NARS2: variants seen among roughly 807,000 people sequenced by gnomAD.
NARS2 encodes the protein asparaginyl-tRNA synthetase.
Under a neutral mutation model 62.9 loss-of-function variants are expected in NARS2, and 60 were observed. The observed-to-expected ratio is 0.95, with a 90% confidence interval of 0.77 to 1.18. The LOEUF is 1.18. Among genes scored for constraint, NARS2 ranks in the 50% most tolerant of loss-of-function variants. The pLI is 0.00. For missense variants in NARS2, 619 were observed against 576.4 expected, an observed-to-expected ratio of 1.07 and a Z score of -0.76; for synonymous variants, 196 against 200.0, an observed-to-expected ratio of 0.98 and a Z score of 0.17.
chr11:78,505,269 TACACACAC>T (rs10533814), intron 6 of NARS2, among the ~76,000 whole-genome samples: 8,944 of 133,236 alleles, frequency 0.067, 376 homozygotes, highest in African/African-American at 0.12. Flanking sequence ...GAAAACAAAA[TACACACAC>T]ACACACACAC....
chr11:78,566,029 C>A, intron 4 of NARS2, 103 bp downstream of exon 4: 1 of 962,096 alleles, frequency 1.0e-6, no homozygotes, highest in Non-Finnish European at 1.5e-6. Flanking sequence ...AAAACTAACC[C>A]ATAACTAACA....
At chr11:78,549,474 T>C (rs151220241) in intron 5 of NARS2, among the ~76,000 whole-genome samples, 1,651 of 152,160 alleles carry the variant, frequency 0.011, 14 homozygotes, top group Middle Eastern at 0.044. Flanking sequence ...TCCAGAATAG[T>C]GGTGGTTGTG....
At chr11:78,519,019 C>T (rs1223519759) in intron 6 of NARS2, among the ~76,000 whole-genome samples, 3 of 152,100 alleles carry the variant, frequency 2.0e-5, no homozygotes, top group Non-Finnish European at 2.9e-5. Context: ...AGACACGAAT[C>T]ATAATCAAAA....
intron 11 of NARS2, among the ~76,000 whole-genome samples, chr11:78,456,799 T>C (rs956103728): frequency 1.3e-5 from 2 of 152,244 alleles, no homozygotes; most frequent in Non-Finnish European, 2.9e-5. Flanking sequence ...CAGCTGAACA[T>C]CTGCCACCTG....
intron 6 of NARS2, among the ~76,000 whole-genome samples, chr11:78,499,445 T>C (rs184143873): frequency 1.1e-4 from 17 of 152,206 alleles, no homozygotes; most frequent in Admixed American, 9.2e-4. Flanking sequence ...AAATGAATAT[T>C]TGAAACAGCA....
Position 78,467,425 on chromosome 11 carries a change from T to G in NARS2, c.1027-1412A>C, listed in dbSNP as rs149626388. Among the ~76,000 whole-genome samples, 3 of 151,966 alleles carry G rather than the reference T, an allele frequency of 2.0e-5. No homozygotes were observed. The East Asian group carries it at 5.8e-4, about 29-fold the overall frequency. The stretch of plus-strand genomic sequence containing the variant: ...GGTGGCACGCACCTGTAGTCCCAGA[T>G]AGTTGGGAGACTGAGTTGGGAGGAA... On this transcript the variant is annotated intron_variant, in intron 10 of 13. Transcript: ENST00000281038.
intron 5 of NARS2, among the ~76,000 whole-genome samples, chr11:78,537,314 GAC>G (rs753008032): frequency 2.0e-5 from 3 of 152,174 alleles, no homozygotes; most frequent in Non-Finnish European, 4.4e-5. Flanking sequence ...CGGCAAATGT[GAC>G]CAAGAGGGAG....
intron 5 of NARS2, among the ~76,000 whole-genome samples, chr11:78,538,972 G>A (rs1187907680): frequency 9.2e-6 from 1 of 109,266 alleles, no homozygotes; most frequent in Non-Finnish European, 1.7e-5. Flanking sequence ...TCCAGCCTGG[G>A]CGACAGAGCG....
intron 5 of NARS2, among the ~76,000 whole-genome samples, chr11:78,545,407 T>C (rs1855826040): frequency 6.6e-6 from 1 of 152,208 alleles, no homozygotes; most frequent in African/African-American, 2.4e-5. Context: ...TGATTGTTTC[T>C]TGAAAACCTG....
intron 5 of NARS2, among the ~76,000 whole-genome samples, chr11:78,540,163 G>A (rs1158843595): frequency 1.3e-5 from 2 of 152,154 alleles, no homozygotes; most frequent in Non-Finnish European, 2.9e-5. Flanking sequence ...AAATAGCACA[G>A]CCAAGAAAGG....
intron 11 of NARS2, among the ~76,000 whole-genome samples, chr11:78,446,132 T>C (rs1038847193): frequency 6.6e-6 from 1 of 152,170 alleles, no homozygotes; most frequent in Non-Finnish European, 1.5e-5. Context: ...AATGTCACAT[T>C]ACATTATAAA....
At position 78,559,565 on chromosome 11, in the gene NARS2, C is replaced by T; in HGVS notation, c.568G>A (p.Gly190Arg). 1 of 1,613,022 alleles carries T rather than the reference C, an allele frequency of 6.2e-7. No homozygotes were observed. Among genetic ancestry groups the T allele is most frequent in the Non-Finnish European group, 8.5e-7 (1 of 1,179,282 alleles). Reference protein sequence around the residue: ...TPIITSNDSEGAGELFQLEPS... With the variant: ...TPIITSNDSERAGELFQLEPS... Reference sequence around the variant, plus strand: ...TCAAGTTGAAAAAGTTCTCCAGCTCCCTCAGAGTCATTGGATGTGATTATT... The same window carrying T: ...TCAAGTTGAAAAAGTTCTCCAGCTCTCTCAGAGTCATTGGATGTGATTATT... Residue 190 changes from glycine (G) to arginine (R), a missense_variant, in exon 5 of 14, where the codon GGA becomes AGA. Gly to Arg is a moderately radical substitution (Grantham distance 125). Transcript: ENST00000281038.
chr11:78,509,651 T>TG (rs1452694747), intron 6 of NARS2, among the ~76,000 whole-genome samples: 4 of 151,546 alleles, frequency 2.6e-5, no homozygotes, highest in Admixed American at 6.6e-5. Context: ...TTCATGTATG[T>TG]TTTGGGGCAC....
In NARS2 at chr11:78,444,663, G is replaced by A. The variant is rs556969954; in HGVS notation, c.1165-905C>T. 4.8e-5 allele frequency among the ~76,000 whole-genome samples: 7 copies of A among 145,800 alleles called. No individual in the cohort carries two copies. The East Asian group carries it at 1.1e-3, about 22-fold the overall frequency. On this transcript the variant is annotated intron_variant, in intron 11 of 13. Coordinates refer to ENST00000281038, the MANE Select transcript of NARS2 (RefSeq NM_024678.6). ...AAACCCAGGAGGTGGAGGTCACAGC[G>A]AGCCAAGATTGCACCACTGCATTCT... is the stretch of plus-strand genomic sequence containing the variant.
intron 5 of NARS2, among the ~76,000 whole-genome samples, chr11:78,530,417 A>G (rs1455171800): frequency 2.0e-5 from 3 of 152,022 alleles, no homozygotes; most frequent in Non-Finnish European, 2.9e-5. Flanking sequence ...TTCACTTCAG[A>G]TGGTTTCTCT....
intron 11 of NARS2, among the ~76,000 whole-genome samples, chr11:78,445,816 T>C (rs1857740062): frequency 6.6e-6 from 1 of 152,026 alleles, no homozygotes; most frequent in Non-Finnish European, 1.5e-5. Context: ...TATTTGCAGC[T>C]AGGTGTGGTG....
intron 11 of NARS2, among the ~76,000 whole-genome samples, chr11:78,458,172 C>A (rs1304979409): frequency 6.6e-6 from 1 of 152,060 alleles, no homozygotes; most frequent in East Asian, 1.9e-4. Context: ...GACGAATATG[C>A]TAATTACCCT....
intron 5 of NARS2, among the ~76,000 whole-genome samples, chr11:78,538,743 C>A (rs1382150409): frequency 6.6e-6 from 1 of 151,876 alleles, no homozygotes; most frequent in Non-Finnish European, 1.5e-5. Context: ...CGCCTGTAAT[C>A]CCAGCACTTT....
chr11:78,523,457 G>A (rs1171804528), intron 6 of NARS2, among the ~76,000 whole-genome samples: 2 of 152,114 alleles, frequency 1.3e-5, no homozygotes, highest in African/African-American at 2.4e-5. Context: ...CATTAATTTC[G>A]CTCCTAGGTA....
Sources: allele counts gnomAD v4.1 joint callset (sites outside exome capture counted in the v4.1 genomes callset), GRCh38; gene constraint gnomAD v4.1.1; transcripts MANE v1.5; gene names NCBI Gene and HGNC (gene_info 2026-07-23, HGNC 2026-07-21).